The following DSE variants were observed in gnomAD, a reference collection of about 807,000 sequenced individuals.
The protein encoded by DSE is dermatan-sulfate epimerase.
DSE carries 36 observed loss-of-function variants against 84.4 expected under a neutral mutation model. That is an observed-to-expected ratio of 0.43 (90% CI 0.33 to 0.56). DSE has a LOEUF of 0.56. Among genes scored for constraint, DSE ranks in the 20% least tolerant of loss-of-function variants. DSE has a pLI of 0.06. For missense variants in DSE, 862 were observed against 1,169.6 expected (o/e 0.74, Z 3.84); for synonymous variants, 410 against 430.1 (o/e 0.95, Z 0.58).
intron 1 of DSE, among the ~76,000 whole-genome samples, chr6:116,393,817 C>T (rs1781062835): frequency 6.6e-6 from 1 of 152,206 alleles, no homozygotes; most frequent in Admixed American, 6.5e-5. Context: ...TTCTCCCATC[C>T]TTATACTTTC....
intron 2 of DSE, among the ~76,000 whole-genome samples, chr6:116,292,974 T>A (rs928603408): frequency 6.6e-6 from 1 of 152,134 alleles, no homozygotes; most frequent in African/African-American, 2.4e-5. Flanking sequence ...GGGATGAGGA[T>A]GGGAAGGGGA....
At chr6:116,301,685 T>G (rs758964439) in intron 2 of DSE, among the ~76,000 whole-genome samples, 14 of 152,198 alleles carry the variant, frequency 9.2e-5, no homozygotes, top group Non-Finnish European at 2.1e-4. Context: ...GTGCAGAACG[T>G]GCAGGTTTGT....
At chr6:116,279,723 G>T (rs1773383552) in intron 2 of DSE, 2 of 1,611,522 alleles carry the variant, frequency 1.2e-6, no homozygotes, top group Non-Finnish European at 8.5e-7. Context: ...TTTGGTCGCG[G>T]AGCCTCAGGT....
chr6:116,255,867 T>C (rs1772120801), intron 1 of DSE: 1 of 152,240 alleles, frequency 6.6e-6, no homozygotes. Flanking sequence ...TAAAATTACA[T>C]GTGAACTTCT....
chr6:116,399,493 C>A lies in DSE; in HGVS notation c.243C>A (p.Ser81Arg). Residue 81 changes from serine to arginine, a missense_variant, in exon 2 of 6, where the codon AGC becomes AGA. Around this residue, in one of 4 missense-constraint regions of DSE, gnomAD observed 309 missense variants for 516.9 expected, o/e 0.60. Coordinates refer to ENST00000644252, the MANE Select transcript of DSE (RefSeq NM_013352.4). ...AGGCTGTGCACACGATGCTGTCCAG[C>A]CCCTTGGAATACCTCCCTCCCTGGG... ...LTEAVHTMLS[S>R]PLEYLPPWDP... The A allele has an allele frequency of 1.2e-6, 2 of 1,614,200 alleles. No individual in the cohort carries two copies. The highest frequency in any genetic ancestry group is 1.7e-6 in the Non-Finnish European group (2 of 1,180,028).
At chr6:116,314,845 A>G (rs1775875244) in intron 2 of DSE, among the ~76,000 whole-genome samples, 1 of 152,194 alleles carries the variant, frequency 6.6e-6, no homozygotes, top group Admixed American at 6.5e-5. Flanking sequence ...AAGCAAAGTG[A>G]GTTTCTTTAG....
At chr6:116,284,085 A>ATTTC (rs1420692643) in intron 2 of DSE, among the ~76,000 whole-genome samples, 9 of 152,306 alleles carry the variant, frequency 5.9e-5, no homozygotes, top group African/African-American at 2.2e-4. Context: ...ATCTTTTCTA[A>ATTTC]TACAGTTCTA....
At chr6:116,311,726 C>T in intron 2 of DSE, among the ~76,000 whole-genome samples, 1 of 152,210 alleles carries the variant, frequency 6.6e-6, no homozygotes, top group South Asian at 2.1e-4. Flanking sequence ...ATGGAATGCT[C>T]TTCTCCAGAT....
chr6:116,261,776 A>C (rs972434405), intron 2 of DSE, among the ~76,000 whole-genome samples: 1 of 152,122 alleles, frequency 6.6e-6, no homozygotes, highest in African/African-American at 2.4e-5. Context: ...ATGTTCTTTC[A>C]ATACCTACTT....
chr6:116,435,448 T>C, intron 5 of DSE, 139 bp from the exon 6 acceptor site: 1 of 802,792 alleles, frequency 1.2e-6, no homozygotes, highest in Non-Finnish European at 1.9e-6. Flanking sequence ...TCCTTGGATA[T>C]TTTTAGAATT....
chr6:116,372,759 A>C (rs1021285252), intron 1 of DSE, among the ~76,000 whole-genome samples: 27 of 152,150 alleles, frequency 1.8e-4, no homozygotes, highest in African/African-American at 6.5e-4. Context: ...TCCATCACCT[A>C]GTGACCCGTC....
chr6:116,338,352 A>T, intron 2 of DSE, among the ~76,000 whole-genome samples: 1 of 148,876 alleles, frequency 6.7e-6, no homozygotes. Context: ...CCTCCCTAGT[A>T]GCTGGGAATA....
At chr6:116,272,977 TTC>T (rs1474109701) in intron 2 of DSE, among the ~76,000 whole-genome samples, 2 of 152,238 alleles carry the variant, frequency 1.3e-5, no homozygotes, top group African/African-American at 4.8e-5. Flanking sequence ...TCTCAAATGT[TTC>T]TGTTGTTATC....
At chr6:116,340,464 G>T (rs1267121457) in intron 2 of DSE, among the ~76,000 whole-genome samples, 1 of 151,910 alleles carries the variant, frequency 6.6e-6, no homozygotes, top group Non-Finnish European at 1.5e-5. Flanking sequence ...GAGAGTTTCT[G>T]TTTATTGATT....
intron 2 of DSE, among the ~76,000 whole-genome samples, chr6:116,296,388 G>T (rs930679201): frequency 6.6e-6 from 1 of 152,204 alleles, no homozygotes; most frequent in African/African-American, 2.4e-5. Flanking sequence ...AGGGTGGACT[G>T]TGGGGTTGAA....
At chr6:116,306,197 T>C (rs1009714915) in intron 2 of DSE, among the ~76,000 whole-genome samples, 3 of 152,192 alleles carry the variant, frequency 2.0e-5, no homozygotes, top group Non-Finnish European at 4.4e-5. Flanking sequence ...AGAAGTTCTT[T>C]GTACTATTCT....
At chr6:116,310,027 T>G (rs190323254) in intron 2 of DSE, among the ~76,000 whole-genome samples, 1 of 152,298 alleles carries the variant, frequency 6.6e-6, no homozygotes, top group East Asian at 1.9e-4. Flanking sequence ...CTATTAGAGT[T>G]TACTGAATAT....
intron 2 of DSE, among the ~76,000 whole-genome samples, chr6:116,309,323 C>CATAG (rs1019188774): frequency 6.6e-5 from 10 of 151,906 alleles, no homozygotes; most frequent in Non-Finnish European, 1.0e-4. Context: ...CACATACATA[C>CATAG]ATACATACAT....
intron 2 of DSE, among the ~76,000 whole-genome samples, chr6:116,291,649 CAG>C (rs1036760118): frequency 1.1e-4 from 16 of 151,614 alleles, no homozygotes; most frequent in Admixed American, 4.6e-4. Context: ...GGCTTTTAAA[CAG>C]GGGATTGACA....
Sources: gnomAD v4.1 joint callset for allele counts (sites outside exome capture counted in the v4.1 genomes callset) on GRCh38, gnomAD v4.1.1 for gene constraint, gnomAD v4.1.1 regional missense constraint, MANE v1.5 for transcripts, NCBI Gene and HGNC (gene_info 2026-07-23, HGNC 2026-07-21) for gene names.